Variants in RIN3 observed in about 807,000 individuals in gnomAD.
RIN3 encodes RAB5 interacting protein 3.
Under a neutral mutation model 76.3 loss-of-function variants are expected in RIN3, and 54 were observed. The ratio of observed to expected loss-of-function variants is 0.71; its 90% CI spans 0.57 to 0.89. The LOEUF (loss-of-function observed/expected upper bound fraction) is 0.89, where lower values mean the gene tolerates loss of function less well. Among genes scored for constraint, RIN3 ranks in the 40% least tolerant of loss-of-function variants. The pLI, the probability that RIN3 is intolerant of heterozygous loss-of-function variation, is 0.00. For synonymous variants in RIN3, 576 were observed against 564.0 expected, an observed-to-expected ratio of 1.02 and a Z score of -0.30; for missense variants, 1,256 against 1,322.1, an observed-to-expected ratio of 0.95 and a Z score of 0.78.
intron 1 of RIN3, among the ~76,000 whole-genome samples, chr14:92,537,914 G>A (rs1897043695): frequency 6.6e-6 from 1 of 151,690 alleles, no homozygotes; most frequent in African/African-American, 2.4e-5. Flanking sequence ...TTGGACCACT[G>A]CAGCCTCTGA....
chr14:92,542,427 G>A (rs1393361999), intron 1 of RIN3, among the ~76,000 whole-genome samples: 1 of 152,216 alleles, frequency 6.6e-6, no homozygotes, highest in Non-Finnish European at 1.5e-5. Flanking sequence ...ACAAGTGTTG[G>A]AAAGGTGCTG....
At chr14:92,584,050 G>A (rs1595434971) in intron 3 of RIN3, among the ~76,000 whole-genome samples, 1 of 152,240 alleles carries the variant, frequency 6.6e-6, no homozygotes, top group South Asian at 2.1e-4. Flanking sequence ...CCAGGAGTTG[G>A]GGACCCCTCA....
chr14:92,611,047 A>G (rs1462261040), intron 3 of RIN3, among the ~76,000 whole-genome samples: 2 of 148,178 alleles, frequency 1.3e-5, no homozygotes, highest in Non-Finnish European at 3.0e-5. Context: ...TAGGAGCCTT[A>G]GAGCAACATA....
rs776040640 is a variant in RIN3, at chr14:92,652,876, G to T, written c.1827G>T (p.Ala609=). ...RKLYKKVVEL[A]QDKGSYFGSL... The stretch of plus-strand genomic sequence containing the variant: ...TGTACAAGAAGGTGGTGGAGCTGGC[G>T]CAGGACAAGGGCTCGTACTTTGGCA... The change falls in exon 6 of 10, where the codon GCG becomes GCT. Residue 609 remains alanine, a synonymous_variant. Transcript: ENST00000216487. The surrounding 1 kb of genome is among the most constrained non-coding windows in gnomAD (Gnocchi z 6.4). 6.2e-7 allele frequency: 1 copy of T among 1,614,102 alleles called. No individual in the cohort carries two copies. Among genetic ancestry groups the T allele is most frequent in the Admixed American group, 1.7e-5 (1 of 60,032 alleles).
At chr14:92,670,092 TCTCAC>T (rs1234045138) in intron 7 of RIN3, among the ~76,000 whole-genome samples, 1 of 151,190 alleles carries the variant, frequency 6.6e-6, no homozygotes, top group African/African-American at 2.4e-5. Flanking sequence ...AGAGACAAAG[TCTCAC>T]TATGTTGCCC....
chr14:92,618,840 G>A (rs1365151186), intron 4 of RIN3, among the ~76,000 whole-genome samples: 1 of 152,192 alleles, frequency 6.6e-6, no homozygotes, highest in East Asian at 1.9e-4. Context: ...GTCATGGAAT[G>A]CAGAACTCTT....
chr14:92,573,131 C>T (rs1898111489), intron 2 of RIN3, among the ~76,000 whole-genome samples: 1 of 152,104 alleles, frequency 6.6e-6, no homozygotes, highest in African/African-American at 2.4e-5. Flanking sequence ...ATCCCCCTGC[C>T]TCAGCCTCCC....
chr14:92,584,088 C>A (rs377715022), intron 3 of RIN3, among the ~76,000 whole-genome samples: 12 of 152,078 alleles, frequency 7.9e-5, no homozygotes, highest in African/African-American at 2.9e-4. Flanking sequence ...GACGTGCATA[C>A]GTTATAGGCA....
rs76590693 is a variant in RIN3, at chr14:92,558,541, G to A, written c.249+2586G>A. On this transcript the variant is annotated intron_variant, in intron 2 of 9. Coordinates refer to ENST00000216487, the MANE Select transcript of RIN3 (RefSeq NM_024832.5). ...AGGCTAAGAGGAGTGCTTTAGTTTG[G>A]GTTTCCCCAGAAGCAGACCCTGAGA... is the stretch of plus-strand genomic sequence containing the variant. 6.7e-3 allele frequency among the ~76,000 whole-genome samples: 1,021 copies of A among 152,270 alleles called. 11 individuals carry two copies. Among genetic ancestry groups the A allele is most frequent in the South Asian group, 0.012 (59 of 4,826 alleles).
chr14:92,574,521 G>C (rs1898158232), intron 2 of RIN3, among the ~76,000 whole-genome samples: 1 of 152,202 alleles, frequency 6.6e-6, no homozygotes, highest in Admixed American at 6.5e-5. Flanking sequence ...CAGCTTGCTT[G>C]TCTATGTTTG....
At chr14:92,564,289 G>C (rs1444383091) in intron 2 of RIN3, among the ~76,000 whole-genome samples, 1 of 152,174 alleles carries the variant, frequency 6.6e-6, no homozygotes, top group African/African-American at 2.4e-5. Context: ...AGCATATTCT[G>C]TCCCAGCTGT....
At chr14:92,515,299 C>T (rs1242238162) in intron 1 of RIN3, 1 of 696,132 alleles carries the variant, frequency 1.4e-6, no homozygotes, top group Non-Finnish European at 2.6e-6. Context: ...GTATCTGCCA[C>T]ACCCAAGATG....
chr14:92,664,957 C>A (rs1888033820), intron 7 of RIN3, among the ~76,000 whole-genome samples: 1 of 152,178 alleles, frequency 6.6e-6, no homozygotes, highest in African/African-American at 2.4e-5. Context: ...GTTAGATATT[C>A]CGTGTGCTTG....
At chr14:92,614,694 T>C (rs1311235743) in intron 3 of RIN3, among the ~76,000 whole-genome samples, 1 of 151,874 alleles carries the variant, frequency 6.6e-6, no homozygotes, top group Non-Finnish European at 1.5e-5. Context: ...CCCCTTTCGC[T>C]TGTCTGTCAT....
At position 92,586,157 on chromosome 14, in the gene RIN3, G is replaced by A. The variant is rs560648081; in HGVS notation, c.367+8680G>A. ...TGACTACTCATAGGGGCTTGGGACC[G>A]TGTTGCCTGGCACATGGGACGCGCT... On this transcript the variant is annotated intron_variant, in intron 3 of 9. Coordinates refer to ENST00000216487, the MANE Select transcript of RIN3 (RefSeq NM_024832.5). Among the ~76,000 whole-genome samples, 7 of 152,326 alleles carry A rather than the reference G, an allele frequency of 4.6e-5. No homozygotes were observed. In the East Asian group the frequency reaches 1.3e-3, roughly 29 times the overall value.
At chr14:92,671,924 G>A (rs556753421) in intron 7 of RIN3, among the ~76,000 whole-genome samples, 2 of 152,144 alleles carry the variant, frequency 1.3e-5, no homozygotes, top group Admixed American at 6.5e-5. Flanking sequence ...AAACAAGGAC[G>A]GGCCATAAGC....
chr14:92,619,406 A>ACCC (rs1336630731), intron 4 of RIN3, among the ~76,000 whole-genome samples: 1 of 148,284 alleles, frequency 6.7e-6, no homozygotes, highest in Admixed American at 6.7e-5. Context: ...GTTCTTATAT[A>ACCC]CCTTGCATGT....
At chr14:92,515,067 G>C (rs1896401422) in intron 1 of RIN3, 1 of 571,966 alleles carries the variant, frequency 1.7e-6, no homozygotes, top group Non-Finnish European at 3.1e-6. Flanking sequence ...AGCTGGAGGT[G>C]ACTGGCTCTC....
At position 92,651,900 on chromosome 14, in the gene RIN3, C is replaced by T. The variant is rs770649490; in HGVS notation, c.851C>T (p.Pro284Leu). Residue 284 changes from proline (P) to leucine (L), a missense_variant, in exon 6 of 10, where the codon CCC (proline) becomes CTC (leucine). Physicochemically the swap from Pro to Leu is moderately conservative, Grantham distance 98 (BLOSUM62 -3). This residue lies in a region of RIN3 where 610 missense variants were observed against 626.4 expected (regional missense o/e 0.97). Transcript: ENST00000216487. ...RWAPRRPPPP[P>L]PVLPLQPCSP... ...GCCCCACGCCGCCCACCACCCCCTC[C>T]CCCAGTGCTGCCCCTGCAGCCCTGC... 1.8e-5 allele frequency: 28 copies of T among 1,589,102 alleles called. No homozygotes were observed. Among genetic ancestry groups the T allele is most frequent in the South Asian group, 3.4e-5 (3 of 89,398 alleles).
Sources: gnomAD v4.1 joint callset for allele counts (sites outside exome capture counted in the v4.1 genomes callset) on GRCh38, gnomAD v4.1.1 for gene constraint, gnomAD v4.1.1 regional missense constraint, Gnocchi (gnomAD v3.1) non-coding constraint, MANE v1.5 for transcripts, NCBI Gene and HGNC (gene_info 2026-07-23, HGNC 2026-07-21) for gene names.